The following ATP11C variants were observed in gnomAD, a reference collection of about 807,000 sequenced individuals.
The protein encoded by ATP11C is phospholipid-transporting ATPase IG.
In ATP11C, 36 loss-of-function variants were observed where a neutral mutation model predicts 97.4. That is an observed-to-expected ratio of 0.37 (90% CI 0.28 to 0.49). ATP11C has a LOEUF of 0.49. Among genes scored for constraint, ATP11C ranks in the 20% least tolerant of loss-of-function variants. ATP11C has a pLI of 0.98. For synonymous variants in ATP11C, 275 were observed against 290.9 expected, an observed-to-expected ratio of 0.95 and a Z score of 0.56; for missense variants, 730 against 824.6, an observed-to-expected ratio of 0.89 and a Z score of 1.40.
intron 1 of ATP11C, among the ~76,000 whole-genome samples, chrX:139,878,647 C>A (rs2084514869): frequency 9.0e-6 from 1 of 111,316 alleles, no homozygotes; most frequent in African/African-American, 3.3e-5. Flanking sequence ...ACACAGAACA[C>A]AGGGACGGGA....
intron 21 of ATP11C, 37 bp downstream of exon 21, chrX:139,763,279 A>G: frequency 1.9e-6 from 2 of 1,068,751 alleles, no homozygotes; most frequent in Non-Finnish European, 2.6e-6. Context: ...CAATACTGAT[A>G]CTTTTCACAG....
intron 1 of ATP11C, among the ~76,000 whole-genome samples, chrX:139,842,332 G>A (rs2083846293): frequency 8.9e-6 from 1 of 112,367 alleles, no homozygotes; most frequent in South Asian, 3.7e-4. Context: ...CCCTCCAAGG[G>A]TACCAATCTT....
At chrX:139,901,084 G>A (rs1388894873) in intron 1 of ATP11C, among the ~76,000 whole-genome samples, 2 of 111,692 alleles carry the variant, frequency 1.8e-5, no homozygotes, top group Non-Finnish European at 3.8e-5. Context: ...ATTGAACAAT[G>A]GTGCAAACCC....
At chrX:139,865,527 C>T (rs1032171844) in intron 1 of ATP11C, among the ~76,000 whole-genome samples, 1 of 110,179 alleles carries the variant, frequency 9.1e-6, no homozygotes, top group Non-Finnish European at 1.9e-5. Context: ...TTTGGGAGGC[C>T]GAGGCGGGCG....
chrX:139,819,296 T>C, intron 3 of ATP11C, 42 bp downstream of exon 3: 1 of 627,902 alleles, frequency 1.6e-6, no homozygotes, highest in South Asian at 4.4e-5. Context: ...TTTAAAGCAA[T>C]CAAGTTTCTA....
intron 1 of ATP11C, among the ~76,000 whole-genome samples, chrX:139,834,949 T>C (rs2083724524): frequency 8.9e-6 from 1 of 112,612 alleles, no homozygotes; most frequent in African/African-American, 3.2e-5. Flanking sequence ...AACTCTTTTC[T>C]TCCCACAAGG....
intron 27 of ATP11C, among the ~76,000 whole-genome samples, chrX:139,738,330 C>A (rs1035456222): frequency 7.6e-4 from 85 of 111,749 alleles, no homozygotes; most frequent in African/African-American, 2.6e-3. Context: ...CTAAAGCTGC[C>A]AACTGGCGAC....
At chrX:139,837,011 T>TAC (rs113064751) in intron 1 of ATP11C, among the ~76,000 whole-genome samples, 139 of 107,388 alleles carry the variant, frequency 1.3e-3, no homozygotes, top group African/African-American at 2.9e-3. Flanking sequence ...CACACACACA[T>TAC]ACACACACAC....
chrX:139,789,331 T>C lies in ATP11C; in HGVS notation c.1364A>G (p.Asp455Gly). Reference sequence around the variant, plus strand: ...AAAACAATAATGCAAATGCACCTTATCTACTTTGTCAAAATATGTTAAAGT... The same window carrying C: ...AAAACAATAATGCAAATGCACCTTACCTACTTTGTCAAAATATGTTAAAGT... ...DGTLTYFDKV[D>G]KNREELFLRA... The change falls in exon 13 of 30, where the codon GAT (aspartate) becomes GGT (glycine). Residue 455 changes from aspartate (D) to glycine (G), a missense_variant. Physicochemically the swap from Asp to Gly is moderately conservative, Grantham distance 94. Coordinates refer to ENST00000682941, the MANE Select transcript of ATP11C (RefSeq NM_001353812.2). 1 of 1,198,728 alleles carries C rather than the reference T, an allele frequency of 8.3e-7. No individual in the cohort carries two copies. The highest frequency in any genetic ancestry group is 1.1e-6 in the Non-Finnish European group (1 of 887,401).
At chrX:139,822,516 C>T (rs1446188977) in intron 2 of ATP11C, among the ~76,000 whole-genome samples, 2 of 111,537 alleles carry the variant, frequency 1.8e-5, no homozygotes, top group Admixed American at 1.9e-4. Flanking sequence ...CAGGTTCAAG[C>T]GATTCTCCTG....
chrX:139,873,605 G>A (rs1400016649), intron 1 of ATP11C, among the ~76,000 whole-genome samples: 4 of 105,913 alleles, frequency 3.8e-5, no homozygotes, highest in Non-Finnish European at 7.7e-5. Context: ...CTACTTAAGA[G>A]GCTGAGGCAG....
At chrX:139,874,568 C>T (rs2497267) in intron 1 of ATP11C, among the ~76,000 whole-genome samples, 6,059 of 111,674 alleles carry the variant, frequency 0.054, 402 homozygotes, top group African/African-American at 0.19. Context: ...GGCTAGATGC[C>T]AAAACTCAAT....
intron 1 of ATP11C, among the ~76,000 whole-genome samples, chrX:139,870,799 GTAA>G (rs1201580810): frequency 8.9e-6 from 1 of 112,215 alleles, no homozygotes; most frequent in Admixed American, 9.4e-5. Flanking sequence ...GCTCACGCCT[GTAA>G]TCCCAGCACT....
chrX:139,800,021 C>G (rs77038954), intron 8 of ATP11C, 39 bp downstream of exon 8: 1 of 581,084 alleles, frequency 1.7e-6, no homozygotes, highest in Non-Finnish European at 2.7e-6. Context: ...AGACCCCCCC[C>G]CCCAACCAAA....
intron 1 of ATP11C, among the ~76,000 whole-genome samples, chrX:139,878,868 G>C (rs867641379): frequency 9.1e-6 from 1 of 109,470 alleles, no homozygotes; most frequent in African/African-American, 3.3e-5. Context: ...AGCGTGGTAC[G>C]GACAGAGACT....
rs147602174 is a variant in ATP11C at position 139,786,611 on chromosome X, A to T, written c.1592+562T>A. Among the ~76,000 whole-genome samples, 68 of 112,651 alleles carry T rather than the reference A, an allele frequency of 6.0e-4. No homozygotes were observed. In the East Asian group the frequency reaches 0.017, roughly 27 times the overall value. On this transcript the variant is annotated intron_variant, in intron 15 of 29. Transcript: ENST00000682941. ...ATTATATTTCAAGTTCAGATGAGGA[A>T]ATTCAAATTAATCACAGAGCCTAAT...
chrX:139,806,286 G>C (rs60970982), intron 5 of ATP11C, among the ~76,000 whole-genome samples: 2,727 of 111,342 alleles, frequency 0.024, 54 homozygotes, highest in East Asian at 0.13. Flanking sequence ...GGAATAACAT[G>C]ATCTAGTTAG....
At chrX:139,900,614 AG>A (rs2084885403) in intron 1 of ATP11C, among the ~76,000 whole-genome samples, 1 of 111,936 alleles carries the variant, frequency 8.9e-6, no homozygotes, top group African/African-American at 3.2e-5. Flanking sequence ...AGGTTTGAGT[AG>A]ACTTGTTTAC....
rs772620882 is a variant in ATP11C, at chrX:139,752,111, G to A, written c.2701-1959C>T. Among the ~76,000 whole-genome samples, 6 of 111,322 alleles carry A rather than the reference G, an allele frequency of 5.4e-5. No homozygotes were observed. The South Asian group carries it at 1.5e-3, about 28-fold the overall frequency. On this transcript the variant is annotated intron_variant, in intron 23 of 29. Coordinates refer to ENST00000682941, the MANE Select transcript of ATP11C (RefSeq NM_001353812.2). Reference sequence around the variant, plus strand: ...TACACTTTTCCTTTAAGATGTCGACGTTATTCCTTCCCTTACCTCCAGGTC... The same window carrying A: ...TACACTTTTCCTTTAAGATGTCGACATTATTCCTTCCCTTACCTCCAGGTC...
Sources: gnomAD v4.1 joint callset for allele counts (sites outside exome capture counted in the v4.1 genomes callset) on GRCh38, gnomAD v4.1.1 for gene constraint, MANE v1.5 for transcripts, NCBI Gene and HGNC (gene_info 2026-07-23, HGNC 2026-07-21) for gene names.